The following CDC42BPA variants were observed in gnomAD, a reference collection of about 807,000 sequenced individuals.
The protein encoded by CDC42BPA is serine/threonine-protein kinase MRCK alpha.
Under a neutral mutation model 223.5 loss-of-function variants are expected in CDC42BPA, and 80 were observed. The observed-to-expected ratio is 0.36, with a 90% CI of 0.30 to 0.43. The LOEUF (loss-of-function observed/expected upper bound fraction) is 0.43, where lower values mean the gene tolerates loss of function less well. Ranked by LOEUF, CDC42BPA falls within the 20% of genes least tolerant of loss-of-function variation. The probability of loss-of-function intolerance (pLI) is 1.00; values close to 1 mark genes in which losing one functional copy is unlikely to be tolerated. For missense variants in CDC42BPA, 1,743 were observed against 2,099.9 expected (o/e 0.83, Z 3.32); for synonymous variants, 694 against 718.6 (o/e 0.97, Z 0.55).
intron 21 of CDC42BPA, among the ~76,000 whole-genome samples, chr1:227,066,465 G>A (rs530645095): frequency 2.6e-5 from 4 of 152,222 alleles, no homozygotes; most frequent in Non-Finnish European, 4.4e-5. Context: ...GAACTTGAGC[G>A]TTATGCGAAA....
At chr1:227,138,096 C>T (rs1658965856) in intron 10 of CDC42BPA, among the ~76,000 whole-genome samples, 2 of 152,100 alleles carry the variant, frequency 1.3e-5, no homozygotes, top group South Asian at 2.1e-4. Flanking sequence ...TAACAACTTA[C>T]GGAAAAACAG....
chr1:227,315,317 T>C (rs1200446456), intron 1 of CDC42BPA, among the ~76,000 whole-genome samples: 6 of 152,188 alleles, frequency 3.9e-5, no homozygotes, highest in Non-Finnish European at 7.4e-5. Context: ...ATATAAATTA[T>C]TCTGATAATA....
chr1:227,313,838 C>CA (rs1559022438), intron 1 of CDC42BPA, among the ~76,000 whole-genome samples: 2 of 143,166 alleles, frequency 1.4e-5, no homozygotes, highest in Non-Finnish European at 3.1e-5. Flanking sequence ...GCTCTAGGTA[C>CA]AAATTTATTA....
chr1:227,142,534 T>A (rs889636681), intron 9 of CDC42BPA, among the ~76,000 whole-genome samples: 3 of 152,226 alleles, frequency 2.0e-5, no homozygotes, highest in African/African-American at 2.4e-5. Flanking sequence ...CTCTATTTTT[T>A]AAAAAGTTTT....
At chr1:226,998,833 G>T (rs1662170646) in intron 35 of CDC42BPA, among the ~76,000 whole-genome samples, 1 of 152,150 alleles carries the variant, frequency 6.6e-6, no homozygotes, top group Non-Finnish European at 1.5e-5. Context: ...CACAGCAAAA[G>T]AAACTACCAT....
intron 4 of CDC42BPA, among the ~76,000 whole-genome samples, chr1:227,195,945 A>G (rs1230670584): frequency 1.3e-5 from 2 of 152,234 alleles, no homozygotes; most frequent in East Asian, 1.9e-4. Context: ...AAGAATATTA[A>G]CAGATAATTC....
intron 1 of CDC42BPA, among the ~76,000 whole-genome samples, chr1:227,261,297 G>A (rs761180690): frequency 2.0e-5 from 3 of 150,232 alleles, no homozygotes; most frequent in Non-Finnish European, 4.4e-5. Flanking sequence ...TGTATTTTTA[G>A]TAGAGACGGG....
In CDC42BPA at chr1:227,071,034, A is replaced by G. The variant is rs566563116; in HGVS notation, c.2827+1174T>C. ...TTCAAATTTCCATTAATTAAAACCTAGCTTGATTTTCATTTTGGCATGATG... is the reference window on the plus strand; with the variant it reads ...TTCAAATTTCCATTAATTAAAACCTGGCTTGATTTTCATTTTGGCATGATG... On this transcript the variant is annotated intron_variant, in intron 20 of 36. Coordinates refer to ENST00000366766, the MANE Select transcript of CDC42BPA (RefSeq NM_001394014.1). Among the ~76,000 whole-genome samples, 5 of 151,984 alleles carry G rather than the reference A, an allele frequency of 3.3e-5. No homozygotes were observed. In the East Asian group the frequency reaches 7.7e-4, roughly 23 times the overall value.
At chr1:227,214,061 G>A (rs1173212274) in intron 2 of CDC42BPA, among the ~76,000 whole-genome samples, 1 of 152,104 alleles carries the variant, frequency 6.6e-6, no homozygotes, top group Non-Finnish European at 1.5e-5. Context: ...AAGGTTGAAC[G>A]AGGATGTTTC....
chr1:227,177,713 A>C (rs1042101385), intron 5 of CDC42BPA, among the ~76,000 whole-genome samples: 4 of 152,096 alleles, frequency 2.6e-5, no homozygotes, highest in Admixed American at 2.6e-4. Context: ...ATTTCTCCAA[A>C]CATGGGAAGT....
Position 227,206,271 on chromosome 1 carries a change from A to G in CDC42BPA, c.355-6619T>C, listed in dbSNP as rs939723012. 2.0e-5 allele frequency among the ~76,000 whole-genome samples: 3 copies of G among 152,212 alleles called. 1 individual carries two copies. Among genetic ancestry groups the G allele is most frequent in the African/African-American group, 7.2e-5 (3 of 41,454 alleles). On this transcript the variant is annotated intron_variant, in intron 3 of 36. Coordinates refer to ENST00000366766, the MANE Select transcript of CDC42BPA (RefSeq NM_001394014.1). The stretch of plus-strand genomic sequence containing the variant: ...TTTAGGAGGCTGTTGATAAACTAGC[A>G]AAGTCTGTAAATGATGAACTTGTAG...
At chr1:227,206,440 T>C (rs1157961529) in intron 3 of CDC42BPA, among the ~76,000 whole-genome samples, 5 of 152,220 alleles carry the variant, frequency 3.3e-5, no homozygotes, top group Non-Finnish European at 5.9e-5. Context: ...TCATTAATTA[T>C]ATATTTGACA....
chr1:227,132,416 G>C (rs1054007023), intron 10 of CDC42BPA, among the ~76,000 whole-genome samples: 7 of 150,664 alleles, frequency 4.6e-5, no homozygotes, highest in South Asian at 2.1e-4. Context: ...TGCAGACGGA[G>C]TCTCGTTCAC....
In CDC42BPA at chr1:227,112,696, C is replaced by T. The variant is rs762113623; in HGVS notation, c.1865G>A (p.Arg622His). Reference sequence around the variant, plus strand: ...CTCTTTTTTGGCTCTTTCTGTTCTGCGCAGTTCTTGCCTTAAGCTTTCAAC... The same window carrying T: ...CTCTTTTTTGGCTCTTTCTGTTCTGTGCAGTTCTTGCCTTAAGCTTTCAAC... ...QKVESLRQEL[R>H]RTERAKKELE... Residue 622 changes from arginine (R) to histidine (H), a missense_variant, in exon 13 of 37, where the codon CGC (arginine) becomes CAC (histidine). Physicochemically the swap from Arg to His is conservative, Grantham distance 29 (BLOSUM62 0). This residue lies in a region of CDC42BPA where 464 missense variants were observed against 488.0 expected (regional missense o/e 0.95). Transcript: ENST00000366766. The T allele has an allele frequency of 3.1e-6, 5 of 1,614,006 alleles. No homozygotes were observed. Among genetic ancestry groups the T allele is most frequent in the South Asian group, 1.1e-5 (1 of 91,070 alleles).
At chr1:227,237,453 CTT>C (rs757753627) in intron 2 of CDC42BPA, among the ~76,000 whole-genome samples, 6 of 152,180 alleles carry the variant, frequency 3.9e-5, no homozygotes, top group Non-Finnish European at 8.8e-5. Context: ...AAAAGACACA[CTT>C]AAATACTATT....
chr1:227,244,150 C>G (rs1480802281), intron 2 of CDC42BPA, among the ~76,000 whole-genome samples: 1 of 152,108 alleles, frequency 6.6e-6, no homozygotes, highest in African/African-American at 2.4e-5. Context: ...ATAAGCCTAC[C>G]CTGTGACCCA....
At chr1:227,215,174 C>G (rs1036797786) in intron 2 of CDC42BPA, among the ~76,000 whole-genome samples, 3 of 152,170 alleles carry the variant, frequency 2.0e-5, no homozygotes, top group Middle Eastern at 3.4e-3. Flanking sequence ...AATATTGGAA[C>G]CAAAACCACC....
In CDC42BPA at chr1:227,034,753, T is replaced by C. The variant is rs1669926045; in HGVS notation, c.3378A>G (p.Ala1126=). Residue 1126 remains alanine, a synonymous_variant, in exon 26 of 37, where the codon GCA becomes GCG. Coordinates refer to ENST00000366766, the MANE Select transcript of CDC42BPA (RefSeq NM_001394014.1). ...PAGVKKGWQR[A]LAIVCDFKLF... Reference sequence around the variant, plus strand: ...GTTTGAAGTCACACACTATAGCCAGTGCTCTCTGCCACCCTTTCTTCACTC... The same window carrying C: ...GTTTGAAGTCACACACTATAGCCAGCGCTCTCTGCCACCCTTTCTTCACTC... The C allele has an allele frequency of 5.0e-6, 8 of 1,613,300 alleles. No individual in the cohort carries two copies. The highest frequency in any genetic ancestry group is 5.9e-6 in the Non-Finnish European group (7 of 1,179,536).
chr1:227,201,057 T>C (rs931929832), intron 3 of CDC42BPA, among the ~76,000 whole-genome samples: 1 of 152,222 alleles, frequency 6.6e-6, no homozygotes, highest in Admixed American at 6.5e-5. Flanking sequence ...TTTTTTAAAG[T>C]TGTAGTTTAT....
Sources: allele counts gnomAD v4.1 joint callset (sites outside exome capture counted in the v4.1 genomes callset), GRCh38; gene constraint gnomAD v4.1.1; regional missense constraint gnomAD v4.1.1; transcripts MANE v1.5; gene names NCBI Gene and HGNC (gene_info 2026-07-23, HGNC 2026-07-21).